Variants in RASSF8 observed in about 807,000 individuals in gnomAD.
RASSF8 encodes ras association domain-containing protein 8.
Under a neutral mutation model 48.5 loss-of-function variants are expected in RASSF8, and 22 were observed. The ratio of observed to expected loss-of-function variants is 0.45; its 90% confidence interval spans 0.32 to 0.65. The LOEUF (loss-of-function observed/expected upper bound fraction) is 0.65. Among genes scored for constraint, RASSF8 ranks in the 30% least tolerant of loss-of-function variants. RASSF8 has a pLI of 0.03. For synonymous variants in RASSF8, 127 were observed against 171.5 expected, an observed-to-expected ratio of 0.74 and a Z score of 2.03; for missense variants, 418 against 489.2, an observed-to-expected ratio of 0.85 and a Z score of 1.37.
intron 1 of RASSF8, among the ~76,000 whole-genome samples, chr12:25,985,904 C>T (rs1192114439): frequency 6.6e-6 from 1 of 152,212 alleles, no homozygotes; most frequent in East Asian, 1.9e-4. Flanking sequence ...TGTTCTTTAA[C>T]TACCTGTGCC....
At chr12:25,993,619 G>A (rs1158938013) in intron 1 of RASSF8, among the ~76,000 whole-genome samples, 2 of 152,180 alleles carry the variant, frequency 1.3e-5, no homozygotes, top group African/African-American at 4.8e-5. Flanking sequence ...GTCTTTCGCA[G>A]CAGGGTTGAC....
chr12:26,046,648 C>A (rs1266826414), intron 2 of RASSF8, among the ~76,000 whole-genome samples: 1 of 147,996 alleles, frequency 6.8e-6, no homozygotes, highest in Non-Finnish European at 1.5e-5. Flanking sequence ...ACCAGCTGGG[C>A]AACATAAGGA....
intron 1 of RASSF8, among the ~76,000 whole-genome samples, chr12:25,971,673 A>G (rs1452604890): frequency 6.6e-6 from 1 of 152,178 alleles, no homozygotes; most frequent in Non-Finnish European, 1.5e-5. Context: ...GTCTCTTTTT[A>G]TTAGCGCTTA....
downstream of RASSF8, among the ~76,000 whole-genome samples, chr12:26,073,750 C>T (rs547422329): frequency 1.8e-4 from 11 of 60,322 alleles, no homozygotes; most frequent in African/African-American, 7.2e-4. Flanking sequence ...TCTCTCTATA[C>T]ACACACACAC....
At chr12:26,012,971 T>C (rs2137030878) in intron 2 of RASSF8, among the ~76,000 whole-genome samples, 1 of 152,300 alleles carries the variant, frequency 6.6e-6, no homozygotes, top group Non-Finnish European at 1.5e-5. Flanking sequence ...CCACTGCACC[T>C]GGCCTCACGT....
intron 2 of RASSF8, among the ~76,000 whole-genome samples, chr12:26,010,833 T>A (rs1334012177): frequency 6.6e-6 from 1 of 151,596 alleles, no homozygotes; most frequent in Non-Finnish European, 1.5e-5. Flanking sequence ...ATACCTAAGA[T>A]GCAGGCGAGG....
intron 2 of RASSF8, among the ~76,000 whole-genome samples, chr12:26,040,536 C>T (rs76296976): frequency 3.5e-4 from 54 of 152,266 alleles, no homozygotes; most frequent in African/African-American, 1.3e-3. Flanking sequence ...AGTTTGAGAA[C>T]CAGGTCAGTA....
In RASSF8 at chr12:26,030,411, A is replaced by G. The variant is rs1352842818; in HGVS notation, c.-108-24825A>G. Among the ~76,000 whole-genome samples, 4 of 152,334 alleles carry G rather than the reference A, an allele frequency of 2.6e-5. No individual in the cohort carries two copies. The East Asian group carries it at 7.7e-4, about 29-fold the overall frequency. ...TTCCATGTAATTGTGCTTGTTTTCAATGAAAGTTCTGCAGGGCTCTGTAGG... is the reference window on the plus strand; with the variant it reads ...TTCCATGTAATTGTGCTTGTTTTCAGTGAAAGTTCTGCAGGGCTCTGTAGG... On this transcript the variant is annotated intron_variant, in intron 2 of 5. Coordinates refer to ENST00000689635, the MANE Select transcript of RASSF8 (RefSeq NM_001394098.1).
chr12:26,035,383 TA>T (rs1477500720), intron 2 of RASSF8, among the ~76,000 whole-genome samples: 2 of 145,464 alleles, frequency 1.4e-5, no homozygotes, highest in Non-Finnish European at 3.0e-5. Flanking sequence ...TATAATCATA[TA>T]ATATAATTAT....
intron 5 of RASSF8, 54 bp downstream of exon 5, chr12:26,067,767 T>G: frequency 6.2e-7 from 1 of 1,600,498 alleles, no homozygotes; most frequent in South Asian, 1.1e-5. Flanking sequence ...TGCTTAACTT[T>G]TTTTGTTTTT....
At chr12:26,028,920 T>A (rs1483895671) in intron 2 of RASSF8, among the ~76,000 whole-genome samples, 2 of 152,250 alleles carry the variant, frequency 1.3e-5, no homozygotes, top group Non-Finnish European at 1.5e-5. Flanking sequence ...TTTGCTTTTT[T>A]AAAAAAAGCC....
Position 26,069,977 on chromosome 12 carries a change from T to G in RASSF8, c.*1159T>G. ...AGACATTAATCTCCATTTGTACATA[T>G]GTTATTTTATTTGTAAAACCAAATA... On this transcript the variant is annotated 3_prime_UTR_variant, in exon 6 of 6. Transcript: ENST00000689635. 1 of 974,254 alleles carries G rather than the reference T, an allele frequency of 1.0e-6. No homozygotes were observed. Among genetic ancestry groups the G allele is most frequent in the Non-Finnish European group, 1.2e-6 (1 of 819,768 alleles). The allele number at this position is 974,254 out of a possible 1,614,324, so 60.4% of individuals were successfully genotyped here.
intron 2 of RASSF8, among the ~76,000 whole-genome samples, chr12:26,003,023 A>C (rs1257628787): frequency 4.6e-5 from 7 of 152,246 alleles, no homozygotes; most frequent in Admixed American, 3.9e-4. Flanking sequence ...GTTAATTTTT[A>C]TATATGGTGA....
intron 5 of RASSF8, 51 bp downstream of exon 5, chr12:26,067,764 C>T (rs2137320496): frequency 6.2e-7 from 1 of 1,605,014 alleles, no homozygotes; most frequent in South Asian, 1.1e-5. Context: ...CACTGCTTAA[C>T]TTTTTTTGTT....
At chr12:25,978,804 G>A (rs1941670305) in intron 1 of RASSF8, among the ~76,000 whole-genome samples, 2 of 152,066 alleles carry the variant, frequency 1.3e-5, no homozygotes, top group African/African-American at 4.8e-5. Context: ...GAAGCTGAGA[G>A]ACCAGAAGGT....
chr12:26,060,220 T>C (rs556871929), intron 3 of RASSF8, among the ~76,000 whole-genome samples: 1 of 152,284 alleles, frequency 6.6e-6, no homozygotes, highest in South Asian at 2.1e-4. Context: ...TGTTTAGTAG[T>C]AGTGAGCTTA....
chr12:26,072,467 A>G lies in RASSF8; in HGVS notation c.*3649A>G. The G allele has an allele frequency of 2.1e-6, 2 of 964,788 alleles. No individual in the cohort carries two copies. Among genetic ancestry groups the G allele is most frequent in the Non-Finnish European group, 2.5e-6 (2 of 811,146 alleles). 59.8% of individuals were successfully genotyped at this position (964,788 alleles called of 1,614,324 possible). ...AGAAACCAAATAAATGCAGAAAACT[A>G]TTTCGTATACTAATTATATTAAACC... On this transcript the variant is annotated 3_prime_UTR_variant, in exon 6 of 6. Transcript: ENST00000689635.
At chr12:25,965,343 C>T (rs1218225077) in intron 1 of RASSF8, among the ~76,000 whole-genome samples, 2 of 150,820 alleles carry the variant, frequency 1.3e-5, no homozygotes, top group African/African-American at 4.9e-5. Context: ...AAATCATTCC[C>T]ACATCACTTT....
At chr12:25,994,929 C>T (rs116842815) in intron 1 of RASSF8, 108 bp from the exon 2 acceptor site, 2,496 of 152,310 alleles carry the variant, frequency 0.016, 41 homozygotes, top group Middle Eastern at 0.027. Flanking sequence ...TATCTGAAGC[C>T]ATACACTTGT....
Sources: allele counts gnomAD v4.1 joint callset (sites outside exome capture counted in the v4.1 genomes callset), GRCh38; gene constraint gnomAD v4.1.1; transcripts MANE v1.5; gene names NCBI Gene and HGNC (gene_info 2026-07-23, HGNC 2026-07-21).